ZHX3: variants seen among roughly 807,000 people sequenced by gnomAD.
The protein encoded by ZHX3 is zinc fingers and homeoboxes 3, also known as zinc fingers and homeoboxes protein 3.
ZHX3 carries 20 observed loss-of-function variants against 64.5 expected under a neutral mutation model. The ratio of observed to expected loss-of-function variants is 0.31; its 90% CI spans 0.22 to 0.45. ZHX3 has a LOEUF of 0.45. Ranked by LOEUF, ZHX3 falls within the 20% of genes least tolerant of loss-of-function variation. The pLI, the probability that ZHX3 is intolerant of heterozygous loss-of-function variation, is 1.00. For missense variants in ZHX3, 1,041 were observed against 1,195.8 expected, an observed-to-expected ratio of 0.87 and a Z score of 1.91; for synonymous variants, 423 against 461.6, an observed-to-expected ratio of 0.92 and a Z score of 1.07.
At chr20:41,231,815 T>C (rs943085375) in intron 2 of ZHX3, among the ~76,000 whole-genome samples, 1 of 152,262 alleles carries the variant, frequency 6.6e-6, no homozygotes, top group Non-Finnish European at 1.5e-5. Context: ...TGTAAAATTC[T>C]ATCAGCCAAC....
intron 2 of ZHX3, among the ~76,000 whole-genome samples, chr20:41,240,733 T>C (rs771587106): frequency 6.6e-6 from 1 of 152,198 alleles, no homozygotes; most frequent in African/African-American, 2.4e-5. Context: ...TTTTAATTTT[T>C]AGCTCCAACA....
At chr20:41,245,015 A>G (rs1181906134) in intron 2 of ZHX3, among the ~76,000 whole-genome samples, 1 of 152,174 alleles carries the variant, frequency 6.6e-6, no homozygotes, top group Non-Finnish European at 1.5e-5. Context: ...GTGTTCACAA[A>G]AAGGACCATG....
At chr20:41,218,535 G>A (rs1230525061) in intron 2 of ZHX3, among the ~76,000 whole-genome samples, 2 of 152,192 alleles carry the variant, frequency 1.3e-5, no homozygotes, top group South Asian at 2.1e-4. Flanking sequence ...ACCGTCAGAA[G>A]AGGGTCTGTA....
chr20:41,230,244 T>G (rs915151864), intron 2 of ZHX3, among the ~76,000 whole-genome samples: 1 of 152,206 alleles, frequency 6.6e-6, no homozygotes, highest in Non-Finnish European at 1.5e-5. Flanking sequence ...TATCACGTAT[T>G]GGCTCTCATT....
intron 1 of ZHX3, among the ~76,000 whole-genome samples, chr20:41,272,914 T>C (rs781577045): frequency 6.6e-6 from 1 of 152,206 alleles, no homozygotes; most frequent in Non-Finnish European, 1.5e-5. Context: ...CTGGGTCATA[T>C]GGTAATTCTA....
chr20:41,211,234 CA>C (rs2039137118), intron 2 of ZHX3, among the ~76,000 whole-genome samples: 1 of 152,044 alleles, frequency 6.6e-6, no homozygotes, highest in African/African-American at 2.4e-5. Context: ...TTCGTTTTAG[CA>C]AATCATAATG....
At chr20:41,253,986 A>G (rs1041131539) in intron 2 of ZHX3, among the ~76,000 whole-genome samples, 10 of 152,116 alleles carry the variant, frequency 6.6e-5, no homozygotes, top group African/African-American at 2.4e-4. Context: ...GAAGGTACTC[A>G]ATACTTGTTA....
intron 2 of ZHX3, among the ~76,000 whole-genome samples, chr20:41,265,201 ATTTTTTT>A (rs764092804): frequency 0.073 from 10,449 of 142,942 alleles, 395 homozygotes; most frequent in Middle Eastern, 0.18. Flanking sequence ...ATTACGATAA[ATTTTTTT>A]TTTTTTTTTT....
Position 41,269,012 on chromosome 20 carries a change from C to T in ZHX3, c.-173G>A, listed in dbSNP as rs904470277. On this transcript the variant is annotated 5_prime_UTR_variant, in exon 2 of 4. Coordinates refer to ENST00000683867, the MANE Select transcript of ZHX3 (RefSeq NM_001384317.1). Reference sequence around the variant, plus strand: ...TACTTCATTGTTTTTTTCCAGTTTCCCTCTTCACTTTATGCAGTCCCACAA... The same window carrying T: ...TACTTCATTGTTTTTTTCCAGTTTCTCTCTTCACTTTATGCAGTCCCACAA... 1.3e-5 allele frequency: 2 copies of T among 152,096 alleles called. No homozygotes were observed. The highest frequency in any genetic ancestry group is 4.8e-5 in the African/African-American group (2 of 41,412). The allele number at this position is 152,096 out of a possible 1,614,324, so 9.4% of individuals were successfully genotyped here. A position where few individuals can be genotyped will look rare whatever the true frequency, so the allele number is the denominator to read the frequency against.
At chr20:41,268,039 A>T (rs1428227833) in intron 2 of ZHX3, among the ~76,000 whole-genome samples, 1 of 152,228 alleles carries the variant, frequency 6.6e-6, no homozygotes, top group Non-Finnish European at 1.5e-5. Flanking sequence ...CCATTACTGA[A>T]GCATAGGGAA....
At chr20:41,306,025 CAGA>C (rs1255518549) in intron 1 of ZHX3, among the ~76,000 whole-genome samples, 2 of 151,910 alleles carry the variant, frequency 1.3e-5, no homozygotes, top group African/African-American at 4.8e-5. Flanking sequence ...AGTAAATATC[CAGA>C]AGCACTGTTT....
At position 41,185,058 on chromosome 20, in the gene ZHX3, T is replaced by G; in HGVS notation, c.*133A>C. The G allele has an allele frequency of 6.4e-7, 1 of 1,553,114 alleles. No homozygotes were observed. The highest frequency in any genetic ancestry group is 8.7e-7 in the Non-Finnish European group (1 of 1,147,578). On this transcript the variant is annotated 3_prime_UTR_variant, in exon 4 of 4. Coordinates refer to ENST00000683867, the MANE Select transcript of ZHX3 (RefSeq NM_001384317.1). This position sits in a 1 kb window ranked among gnomAD's most constrained non-coding sequence, Gnocchi z 5.0. ...GCAGGCTCTGGGCTGTCTGCGAGGA[T>G]TCTGGAAGCTCTCCCAGGTGCCCAG...
At position 41,282,870 on chromosome 20, in the gene ZHX3, T is replaced by G. The variant is rs190784180; in HGVS notation, c.-244-13787A>C. ...ACACGTAATAACACTAAAAATTCAC[T>G]GCATAACCAAAGGCTTTCACAACTC... On this transcript the variant is annotated intron_variant, in intron 1 of 3. Coordinates refer to ENST00000683867, the MANE Select transcript of ZHX3 (RefSeq NM_001384317.1). Among the ~76,000 whole-genome samples, 107 of 152,332 alleles carry G rather than the reference T, an allele frequency of 7.0e-4. 1 individual carries two copies. Among genetic ancestry groups the G allele is most frequent in the African/African-American group, 2.5e-3 (102 of 41,576 alleles).
intron 1 of ZHX3, among the ~76,000 whole-genome samples, chr20:41,286,508 T>C (rs1174924178): frequency 6.6e-6 from 1 of 152,226 alleles, no homozygotes; most frequent in East Asian, 1.9e-4. Context: ...TCAAGATTCC[T>C]TGTAATTCTT....
In ZHX3 at chr20:41,185,251, C is replaced by T. The variant is rs753162514; in HGVS notation, c.2861-50G>A. 4.5e-6 allele frequency: 7 copies of T among 1,557,492 alleles called. No homozygotes were observed. The highest frequency in any genetic ancestry group is 1.8e-5 in the Admixed American group (1 of 55,386). On this transcript the variant is annotated intron_variant, in intron 3 of 3. Transcript: ENST00000683867. This position sits in a 1 kb window ranked among gnomAD's most constrained non-coding sequence, Gnocchi z 5.0. ...ACTCTACGGCAGCTGCCACCACCTG[C>T]CCCCCAGGCAGCCTGGTCCTTGCTA...
intron 1 of ZHX3, among the ~76,000 whole-genome samples, chr20:41,292,226 G>A (rs1179918303): frequency 6.6e-6 from 1 of 151,940 alleles, no homozygotes; most frequent in Non-Finnish European, 1.5e-5. Context: ...CTAGTTACAG[G>A]ATTCAACTTT....
At chr20:41,260,917 T>C (rs1453954843) in intron 2 of ZHX3, among the ~76,000 whole-genome samples, 1 of 152,222 alleles carries the variant, frequency 6.6e-6, no homozygotes, top group African/African-American at 2.4e-5. Context: ...TCCGGGCCCA[T>C]GCTCTTAGCA....
Position 41,199,702 on chromosome 20 carries a change from C to T in ZHX3, c.2860+2355G>A, listed in dbSNP as rs918632195. On this transcript the variant is annotated intron_variant, in intron 3 of 3. Coordinates refer to ENST00000683867, the MANE Select transcript of ZHX3 (RefSeq NM_001384317.1). ...TGCAGTAATCAGAAATCAAAAAACTCTTTTTTTTTTTTTTTTGCAATGGAG... is the reference window on the plus strand; with the variant it reads ...TGCAGTAATCAGAAATCAAAAAACTTTTTTTTTTTTTTTTTTGCAATGGAG... Among the ~76,000 whole-genome samples the T allele has an allele frequency of 5.3e-4, 72 of 136,756 alleles. 1 individual carries two copies. Among genetic ancestry groups the T allele is most frequent in the East Asian group, 5.1e-3 (25 of 4,862 alleles). 89.7% of individuals were successfully genotyped at this position (136,756 alleles called of 152,430 possible).
intron 2 of ZHX3, among the ~76,000 whole-genome samples, chr20:41,235,468 T>A (rs1270764319): frequency 6.6e-6 from 1 of 152,178 alleles, no homozygotes; most frequent in Admixed American, 6.5e-5. Flanking sequence ...TGGTTCAACA[T>A]ATGCAAATCA....
Sources: allele counts gnomAD v4.1 joint callset (sites outside exome capture counted in the v4.1 genomes callset), GRCh38; gene constraint gnomAD v4.1.1; non-coding constraint Gnocchi (gnomAD v3.1); transcripts MANE v1.5; gene names NCBI Gene and HGNC (gene_info 2026-07-23, HGNC 2026-07-21).